TTC34: variants seen among roughly 807,000 people sequenced by gnomAD.
The protein encoded by TTC34 is tetratricopeptide repeat protein 34.
A neutral mutation model predicts 40.7 loss-of-function variants in TTC34; 44 were observed. That is an observed-to-expected ratio of 1.08 (90% confidence interval 0.85 to 1.39). The LOEUF (loss-of-function observed/expected upper bound fraction) is 1.39. TTC34 is among the 40% of genes most tolerant of loss of function. The pLI is 0.00. For missense variants in TTC34, 884 were observed against 838.0 expected, an observed-to-expected ratio of 1.05 and a Z score of -0.68; for synonymous variants, 422 against 398.6, an observed-to-expected ratio of 1.06 and a Z score of -0.70.
chr1:2,787,497 A>G, exon 4 of TTC34: 1 of 1,495,336 alleles, frequency 6.7e-7, no homozygotes, highest in Non-Finnish European at 9.0e-7. Flanking sequence ...GGCGTCATAG[A>G]AGAAGCCCCT....
At chr1:2,778,338 T>C (rs1220163355) in intron 6 of TTC34, among the ~76,000 whole-genome samples, 3 of 152,208 alleles carry the variant, frequency 2.0e-5, no homozygotes, top group Non-Finnish European at 4.4e-5. Context: ...TGCCCTCATC[T>C]CTGGCAGCCC....
At chr1:2,777,824 G>A (rs975075939) in intron 6 of TTC34, among the ~76,000 whole-genome samples, 2 of 152,178 alleles carry the variant, frequency 1.3e-5, no homozygotes, top group African/African-American at 4.8e-5. Context: ...CCTGCCTCTG[G>A]TCCTGCGGCC....
exon 8 of TTC34, chr1:2,644,330 C>A: frequency 6.5e-7 from 1 of 1,535,890 alleles, no homozygotes; most frequent in Non-Finnish European, 8.7e-7. Context: ...CCGGGGCATC[C>A]ACCTCGGCCA....
At chr1:2,685,923 C>T (rs1257042061) in intron 6 of TTC34, among the ~76,000 whole-genome samples, 3 of 146,102 alleles carry the variant, frequency 2.1e-5, no homozygotes, top group African/African-American at 7.9e-5. Context: ...CGCACACCCC[C>T]AGGTGAGCAT....
chr1:2,781,594 T>G (rs564424904), intron 6 of TTC34, among the ~76,000 whole-genome samples: 1 of 152,356 alleles, frequency 6.6e-6, no homozygotes, highest in Admixed American at 6.5e-5. Context: ...CATCCTTGCC[T>G]TGTTCCTGAT....
At chr1:2,755,738 CCACACA>C (rs1641482294) in intron 6 of TTC34, among the ~76,000 whole-genome samples, 1 of 140,730 alleles carries the variant, frequency 7.1e-6, no homozygotes, top group South Asian at 2.4e-4. Flanking sequence ...GGAGCAGCAC[CCACACA>C]CCCAGGCGAG....
At chr1:2,677,941 G>C (rs1331738730) in intron 6 of TTC34, among the ~76,000 whole-genome samples, 2 of 44,346 alleles carry the variant, frequency 4.5e-5, no homozygotes, top group Non-Finnish European at 7.6e-5. Flanking sequence ...ACCCCCAGGT[G>C]AGCATCCGAC....
intron 6 of TTC34, among the ~76,000 whole-genome samples, chr1:2,691,593 G>GC (rs1640620469): frequency 8.2e-6 from 1 of 122,042 alleles, no homozygotes. Context: ...GCCCAGGTGA[G>GC]ACCCTGACAG....
chr1:2,692,654 A>C (rs1640679340), intron 6 of TTC34, among the ~76,000 whole-genome samples: 2 of 133,984 alleles, frequency 1.5e-5, no homozygotes, highest in East Asian at 2.3e-4. Flanking sequence ...ATCGTGGAGC[A>C]GCACCCCACA....
intron 6 of TTC34, among the ~76,000 whole-genome samples, chr1:2,749,463 G>T (rs1190695578): frequency 3.0e-5 from 2 of 67,696 alleles, no homozygotes; most frequent in African/African-American, 1.9e-4. Context: ...AGCATCTGAC[G>T]GCCTGGAACA....
chr1:2,778,837 G>A (rs1210420358), intron 6 of TTC34, among the ~76,000 whole-genome samples: 3 of 152,080 alleles, frequency 2.0e-5, no homozygotes, highest in Non-Finnish European at 4.4e-5. Flanking sequence ...TTGTGTGGCC[G>A]TCACCACCAT....
At chr1:2,800,476 G>C (rs1557695663) in exon 2 of TTC34, 1 of 398,398 alleles carries the variant, frequency 2.5e-6, no homozygotes, top group Non-Finnish European at 4.4e-6. Context: ...ACTTCTTCGT[G>C]ACGCCCGCGG....
chr1:2,673,481 G>A (rs1570784347), intron 6 of TTC34, among the ~76,000 whole-genome samples: 1 of 77,562 alleles, frequency 1.3e-5, no homozygotes, highest in South Asian at 3.3e-4. Context: ...CACACGCCCA[G>A]GTGAGCATCT....
chr1:2,756,575 C>T, intron 6 of TTC34, among the ~76,000 whole-genome samples: 1 of 150,244 alleles, frequency 6.7e-6, no homozygotes. Context: ...CAGCCTGAAG[C>T]AGCACCCACA....
intron 6 of TTC34, among the ~76,000 whole-genome samples, chr1:2,677,887 C>A (rs1344745307): frequency 2.7e-5 from 1 of 36,458 alleles, no homozygotes; most frequent in Non-Finnish European, 4.8e-5. Context: ...GAACCGCAGC[C>A]ACACCCCCAG....
chr1:2,752,876 C>A (rs1641370991), intron 6 of TTC34, among the ~76,000 whole-genome samples: 3 of 150,770 alleles, frequency 2.0e-5, no homozygotes, highest in African/African-American at 4.9e-5. Flanking sequence ...CATCTGATGG[C>A]CTGGAACGGC....
At chr1:2,686,233 G>A (rs796081522) in intron 6 of TTC34, among the ~76,000 whole-genome samples, 310 of 74,054 alleles carry the variant, frequency 4.2e-3, no homozygotes, top group South Asian at 5.6e-3. Context: ...CTGGAGCAGT[G>A]CCCACACCCC....
intron 6 of TTC34, among the ~76,000 whole-genome samples, chr1:2,683,402 G>C (rs1209721245): frequency 7.1e-6 from 1 of 140,252 alleles, no homozygotes; most frequent in Non-Finnish European, 1.5e-5. Flanking sequence ...GCCCAGGTGA[G>C]CATCCGATAG....
At chr1:2,777,687 ATG>A (rs1491416599) in intron 6 of TTC34, among the ~76,000 whole-genome samples, 1 of 65,682 alleles carries the variant, frequency 1.5e-5, no homozygotes, top group African/African-American at 6.1e-5. Context: ...GGCAGAGGGC[ATG>A]GGGGGGGGGG....
Sources: gnomAD v4.1 joint callset for allele counts (sites outside exome capture counted in the v4.1 genomes callset) on GRCh38, gnomAD v4.1.1 for gene constraint, MANE v1.5 for transcripts, NCBI Gene and HGNC (gene_info 2026-07-23, HGNC 2026-07-21) for gene names.